ELMO1: variants seen among roughly 807,000 people sequenced by gnomAD.
ELMO1 encodes the protein engulfment and cell motility 1.
ELMO1 carries 26 observed loss-of-function variants against 98.9 expected under a neutral mutation model. The observed-to-expected ratio is 0.26, with a 90% CI of 0.19 to 0.36. The LOEUF is 0.36. Ranked by LOEUF, ELMO1 falls within the 10% of genes least tolerant of loss-of-function variation. The pLI is 1.00. For synonymous variants in ELMO1, 346 were observed against 346.0 expected, an observed-to-expected ratio of 1.00 and a Z score of 0.00; for missense variants, 627 against 935.2, an observed-to-expected ratio of 0.67 and a Z score of 4.30.
At chr7:37,433,748 G>A (rs1562689701) in intron 1 of ELMO1, among the ~76,000 whole-genome samples, 1 of 152,108 alleles carries the variant, frequency 6.6e-6, no homozygotes, top group Non-Finnish European at 1.5e-5. Flanking sequence ...TTCTCCTGGT[G>A]TCTCTGAGTC....
At chr7:36,964,497 T>A (rs1789241888) in intron 16 of ELMO1, among the ~76,000 whole-genome samples, 1 of 152,242 alleles carries the variant, frequency 6.6e-6, no homozygotes, top group African/African-American at 2.4e-5. Context: ...TCTCACATCA[T>A]CATAAAGTTG....
At chr7:36,875,942 G>A (rs901165348) in intron 19 of ELMO1, among the ~76,000 whole-genome samples, 4 of 152,164 alleles carry the variant, frequency 2.6e-5, no homozygotes, top group Admixed American at 2.6e-4. Context: ...TAAACATGGG[G>A]CTAAACACTA....
At chr7:37,376,042 C>A in intron 1 of ELMO1, 1 of 417,096 alleles carries the variant, frequency 2.4e-6, no homozygotes, top group Non-Finnish European at 4.5e-6. Flanking sequence ...AGGATTATTT[C>A]ACATTGAATA....
intron 1 of ELMO1, among the ~76,000 whole-genome samples, chr7:37,344,097 T>C (rs192008065): frequency 2.0e-5 from 3 of 148,064 alleles, no homozygotes; most frequent in Non-Finnish European, 4.4e-5. Context: ...AGGGGCATGA[T>C]CTCAGCTCAA....
intron 13 of ELMO1, among the ~76,000 whole-genome samples, chr7:37,176,609 T>C (rs1323971447): frequency 6.6e-6 from 1 of 152,196 alleles, no homozygotes; most frequent in Non-Finnish European, 1.5e-5. Context: ...TATAACAATA[T>C]GAAAAAGTGC....
chr7:37,407,420 A>G (rs1803817325), intron 1 of ELMO1, among the ~76,000 whole-genome samples: 2 of 151,828 alleles, frequency 1.3e-5, no homozygotes, highest in African/African-American at 4.8e-5. Flanking sequence ...AGGCAGGAGA[A>G]TCACTTGAAA....
At position 36,853,355 on chromosome 7, in the gene ELMO1, C is replaced by T. The variant is rs1801981449; in HGVS notation, c.*2196G>A. Among the ~76,000 whole-genome samples, 1 of 152,200 alleles carries T rather than the reference C, an allele frequency of 6.6e-6. No homozygotes were observed. The highest frequency in any genetic ancestry group is 2.4e-5 in the African/African-American group (1 of 41,446). ...TCACAGGACAGATACATTTCTTAAA[C>T]CCAGTGTCTCAGGACCTCAGAGATC... On this transcript the variant is annotated 3_prime_UTR_variant, in exon 22 of 22. Transcript: ENST00000310758.
At chr7:36,863,990 G>C (rs2129035452) in intron 20 of ELMO1, among the ~76,000 whole-genome samples, 1 of 152,306 alleles carries the variant, frequency 6.6e-6, no homozygotes, top group African/African-American at 2.4e-5. Context: ...GAGGGAGTGA[G>C]CTTTGCTTCT....
chr7:37,147,756 C>T (rs1018315948), intron 13 of ELMO1, among the ~76,000 whole-genome samples: 2 of 145,334 alleles, frequency 1.4e-5, no homozygotes, highest in Non-Finnish European at 2.9e-5. Context: ...GTTCCTGATA[C>T]ACAAGAAATC....
chr7:37,092,170 C>T (rs1251326463), intron 15 of ELMO1, among the ~76,000 whole-genome samples: 1 of 151,930 alleles, frequency 6.6e-6, no homozygotes, highest in African/African-American at 2.4e-5. Context: ...ATATGTCTTG[C>T]TCACAAAAGA....
chr7:37,284,776 G>GGA (rs539888049), intron 4 of ELMO1, among the ~76,000 whole-genome samples: 7 of 149,896 alleles, frequency 4.7e-5, no homozygotes, highest in Non-Finnish European at 8.9e-5. Flanking sequence ...ACGGTTTAAA[G>GGA]AAAAAAAAAA....
In ELMO1 at chr7:37,041,151, A is replaced by C. The variant is rs576883342; in HGVS notation, c.1301-27716T>G. ...GTAGGAAGTTGAGATCAGAGAAAAG[A>C]GGGGCATATGCAATAGGTAATGTCA... On this transcript the variant is annotated intron_variant, in intron 15 of 21. Transcript: ENST00000310758. Among the ~76,000 whole-genome samples the C allele has an allele frequency of 1.8e-4, 28 of 151,536 alleles. 1 individual carries two copies. In the South Asian group the frequency reaches 6.0e-3, roughly 32 times the overall value.
chr7:37,149,621 A>G (rs1479276125), intron 13 of ELMO1, among the ~76,000 whole-genome samples: 2 of 152,154 alleles, frequency 1.3e-5, no homozygotes, highest in East Asian at 3.8e-4. Context: ...CACATCAGGG[A>G]GCAGAATCCA....
chr7:37,374,625 C>A (rs1382176099), intron 1 of ELMO1, among the ~76,000 whole-genome samples: 1 of 152,108 alleles, frequency 6.6e-6, no homozygotes, highest in Non-Finnish European at 1.5e-5. Context: ...GTGGCACGCA[C>A]CTGTAGTCCC....
chr7:37,087,981 T>C (rs1419429165), intron 15 of ELMO1, among the ~76,000 whole-genome samples: 2 of 152,176 alleles, frequency 1.3e-5, no homozygotes, highest in African/African-American at 2.4e-5. Context: ...ATGCTTGAGA[T>C]GAACCAGAAG....
At chr7:37,211,645 TA>T in intron 12 of ELMO1, 128 bp from the exon 13 acceptor site, 1 of 1,265,454 alleles carries the variant, frequency 7.9e-7, no homozygotes, top group Non-Finnish European at 1.1e-6. Context: ...GAAAAACAGA[TA>T]AAAGAGAACC....
intron 13 of ELMO1, among the ~76,000 whole-genome samples, chr7:37,161,515 G>A (rs1445118508): frequency 6.6e-6 from 1 of 151,994 alleles, no homozygotes; most frequent in African/African-American, 2.4e-5. Flanking sequence ...GTGAATTCAG[G>A]AACAGACATT....
intron 16 of ELMO1, among the ~76,000 whole-genome samples, chr7:36,916,205 G>C (rs1357678971): frequency 1.3e-5 from 2 of 152,140 alleles, no homozygotes; most frequent in Non-Finnish European, 1.5e-5. Context: ...TTTAATTTAG[G>C]TAATTCTTTT....
chr7:37,338,734 A>AGCATCC (rs1458993764), intron 2 of ELMO1, among the ~76,000 whole-genome samples: 3 of 152,174 alleles, frequency 2.0e-5, no homozygotes, highest in Non-Finnish European at 4.4e-5. Context: ...CCAGACAACA[A>AGCATCC]GCATCCTCAT....
Sources: allele counts gnomAD v4.1 joint callset (sites outside exome capture counted in the v4.1 genomes callset), GRCh38; gene constraint gnomAD v4.1.1; transcripts MANE v1.5; gene names NCBI Gene and HGNC (gene_info 2026-07-23, HGNC 2026-07-21).